The following IFT74 variants were observed in gnomAD, a reference collection of about 807,000 sequenced individuals.
IFT74 encodes the protein intraflagellar transport 74.
A neutral mutation model predicts 96.7 loss-of-function variants in IFT74; 92 were observed. That is an observed-to-expected ratio of 0.95 (90% CI 0.80 to 1.13). The LOEUF (loss-of-function observed/expected upper bound fraction) is 1.13, where lower values mean the gene tolerates loss of function less well. Among genes scored for constraint, IFT74 ranks in the 50% most tolerant of loss-of-function variants. The pLI, the probability that IFT74 is intolerant of heterozygous loss-of-function variation, is 0.00. For synonymous variants in IFT74, 223 were observed against 213.2 expected (o/e 1.05, Z -0.40); for missense variants, 811 against 698.2 (o/e 1.16, Z -1.82).
intron 10 of IFT74, among the ~76,000 whole-genome samples, chr9:27,014,120 C>CAGA (rs1385319154): frequency 6.6e-5 from 10 of 151,986 alleles, no homozygotes; most frequent in Non-Finnish European, 1.3e-4. Context: ...GAGGCTGAGG[C>CAGA]AGAAGAATGG....
chr9:26,979,343 A>G (rs1023785866), intron 3 of IFT74, among the ~76,000 whole-genome samples: 2 of 152,196 alleles, frequency 1.3e-5, no homozygotes, highest in African/African-American at 2.4e-5. Flanking sequence ...TTATATGTTT[A>G]ATAGTATTTT....
At chr9:27,002,944 G>A (rs1412166841) in intron 8 of IFT74, among the ~76,000 whole-genome samples, 1 of 150,454 alleles carries the variant, frequency 6.6e-6, no homozygotes, top group African/African-American at 2.4e-5. Context: ...ATTTTTTTTT[G>A]TATCCTCTTC....
At position 27,065,097 on chromosome 9, in the gene IFT74, A is replaced by G. The variant is rs1316889482; in HGVS notation, c.*2361A>G. 6.6e-6 allele frequency among the ~76,000 whole-genome samples: 1 copy of G among 152,196 alleles called. No homozygotes were observed. Among genetic ancestry groups the G allele is most frequent in the African/African-American group, 2.4e-5 (1 of 41,470 alleles). On this transcript the variant is annotated 3_prime_UTR_variant, in exon 20 of 20. Transcript: ENST00000380062. ...CTGTCCATTAAATATATGTGTTTGCATTATAACAATGGGAAATTTGGCAGG... is the reference window on the plus strand; with the variant it reads ...CTGTCCATTAAATATATGTGTTTGCGTTATAACAATGGGAAATTTGGCAGG...
intron 8 of IFT74, among the ~76,000 whole-genome samples, chr9:27,005,944 G>T (rs146009451): frequency 5.3e-5 from 8 of 152,060 alleles, no homozygotes; most frequent in Non-Finnish European, 1.2e-4. Flanking sequence ...GGTTCAAGCA[G>T]TTCTCCTCCC....
intron 8 of IFT74, among the ~76,000 whole-genome samples, chr9:27,000,401 T>C (rs1828416239): frequency 6.6e-6 from 1 of 152,196 alleles, no homozygotes; most frequent in Admixed American, 6.5e-5. Flanking sequence ...TTTTCAATTT[T>C]AGGCATTATC....
intron 1 of IFT74, among the ~76,000 whole-genome samples, chr9:26,957,076 A>G (rs1826141279): frequency 6.6e-6 from 1 of 152,220 alleles, no homozygotes; most frequent in Non-Finnish European, 1.5e-5. Flanking sequence ...CTTTGTCAGC[A>G]CTAGTTTGTA....
chr9:26,954,928 G>T (rs374483298), upstream of IFT74, among the ~76,000 whole-genome samples: 1 of 152,094 alleles, frequency 6.6e-6, no homozygotes, highest in Admixed American at 6.5e-5. Context: ...AGGAAGCTCA[G>T]AGGCAAATAA....
At chr9:27,032,363 A>G (rs944012505) in intron 13 of IFT74, among the ~76,000 whole-genome samples, 12 of 152,176 alleles carry the variant, frequency 7.9e-5, no homozygotes, top group Admixed American at 6.5e-5. Flanking sequence ...TTAGATGTGC[A>G]TGTTCAACGT....
intron 12 of IFT74, among the ~76,000 whole-genome samples, chr9:27,022,896 C>A (rs1266720367): frequency 6.6e-6 from 1 of 152,056 alleles, no homozygotes; most frequent in Non-Finnish European, 1.5e-5. Context: ...CCTCGGCCTC[C>A]CAAAGTGCTG....
chr9:26,999,789 T>G lies in IFT74; in HGVS notation c.588-9231T>G. 3.5e-6 allele frequency: 3 copies of G among 845,572 alleles called. 1 individual carries two copies. The highest frequency in any genetic ancestry group is 5.2e-6 in the Non-Finnish European group (3 of 577,176). The allele number at this position is 845,572 out of a possible 1,614,324, so 52.4% of individuals were successfully genotyped here. On this transcript the variant is annotated intron_variant, in intron 8 of 19. Coordinates refer to ENST00000380062, the MANE Select transcript of IFT74 (RefSeq NM_025103.4). ...TTTATTCTTTTTTTTTTTTTTTTTT[T>G]TTGGCTGAGACAGGGTCTCACTCTG...
chr9:27,038,978 C>A (rs563487974), intron 13 of IFT74, among the ~76,000 whole-genome samples: 1 of 152,266 alleles, frequency 6.6e-6, no homozygotes, highest in Admixed American at 6.5e-5. Flanking sequence ...GAAGCCTCGA[C>A]CTTAAACGCT....
At chr9:27,028,585 G>A (rs1258400719) in intron 12 of IFT74, among the ~76,000 whole-genome samples, 2 of 151,996 alleles carry the variant, frequency 1.3e-5, no homozygotes, top group African/African-American at 4.8e-5. Flanking sequence ...GTGAAACCCC[G>A]TCTCTACTAA....
intron 4 of IFT74, among the ~76,000 whole-genome samples, chr9:26,983,078 C>T (rs1827459075): frequency 6.6e-6 from 1 of 150,650 alleles, no homozygotes. Flanking sequence ...AATCCACCCT[C>T]CCATCATGCC....
rs183221731 is a variant in IFT74 at position 26,993,622 on chromosome 9, T to C, written c.587+3427T>C. 4.6e-5 allele frequency: 7 copies of C among 152,542 alleles called. No individual in the cohort carries two copies. The East Asian group carries it at 1.3e-3, about 29-fold the overall frequency. The allele number at this position is 152,542 out of a possible 1,614,324, so 9.4% of individuals were successfully genotyped here. ...AGATCTATTTTATTTTAGCCTCTTT[T>C]TTCTAAGGAATTGTCAAGTACATAC... On this transcript the variant is annotated intron_variant, in intron 8 of 19. Coordinates refer to ENST00000380062, the MANE Select transcript of IFT74 (RefSeq NM_025103.4).
At chr9:27,047,568 A>T (rs1308664080) in intron 15 of IFT74, among the ~76,000 whole-genome samples, 197 bp downstream of exon 15, 3 of 152,210 alleles carry the variant, frequency 2.0e-5, no homozygotes, top group Non-Finnish European at 4.4e-5. Context: ...AATTAGGGCA[A>T]TAGAGAAAAA....
intron 19 of IFT74, among the ~76,000 whole-genome samples, chr9:27,061,677 G>GTATATA (rs10668267): frequency 0.059 from 8,441 of 142,998 alleles, 285 homozygotes; most frequent in South Asian, 0.11. Context: ...ATATCCACAA[G>GTATATA]TATATATATA....
At chr9:26,999,740 T>TCTGTA (rs780426278) in intron 8 of IFT74, 1 of 1,422,986 alleles carries the variant, frequency 7.0e-7, no homozygotes, top group South Asian at 1.3e-5. Context: ...AAGGACATTT[T>TCTGTA]TATTTTTCCC....
chr9:26,993,262 A>G lies in IFT74; in HGVS notation c.587+3067A>G, dbSNP rs1381559323. ...ATATTTCATTTTGCTACATTTCTCA[A>G]ATATTAATATTTGCATCTTATAATT... is the stretch of plus-strand genomic sequence containing the variant. On this transcript the variant is annotated intron_variant, in intron 8 of 19. Coordinates refer to ENST00000380062, the MANE Select transcript of IFT74 (RefSeq NM_025103.4). 2.0e-5 allele frequency: 3 copies of G among 152,128 alleles called. No individual in the cohort carries two copies. In the East Asian group the frequency reaches 5.8e-4, roughly 29 times the overall value. 9.4% of individuals were successfully genotyped at this position (152,128 alleles called of 1,614,324 possible).
At chr9:26,962,541 G>A in intron 2 of IFT74, among the ~76,000 whole-genome samples, 1 of 152,160 alleles carries the variant, frequency 6.6e-6, no homozygotes. Context: ...ATTAATGTGT[G>A]TTTCAAATTA....
Sources: allele counts gnomAD v4.1 joint callset (sites outside exome capture counted in the v4.1 genomes callset), GRCh38; gene constraint gnomAD v4.1.1; transcripts MANE v1.5; gene names NCBI Gene and HGNC (gene_info 2026-07-23, HGNC 2026-07-21).